Variants in GALNTL6 observed in about 807,000 individuals in gnomAD.
The protein encoded by GALNTL6 is polypeptide N-acetylgalactosaminyltransferase-like 6.
A neutral mutation model predicts 73.7 loss-of-function variants in GALNTL6; 46 were observed. That is an observed-to-expected ratio of 0.62 (90% CI 0.49 to 0.80). The LOEUF (loss-of-function observed/expected upper bound fraction) is 0.80, where lower values mean the gene tolerates loss of function less well. Among genes scored for constraint, GALNTL6 ranks in the 30% least tolerant of loss-of-function variants. The probability of loss-of-function intolerance (pLI) is 0.00; values close to 1 mark genes in which losing one functional copy is unlikely to be tolerated. For missense variants in GALNTL6, 604 were observed against 755.0 expected (o/e 0.80, Z 2.34); for synonymous variants, 259 against 263.7 (o/e 0.98, Z 0.17).
At chr4:172,291,472 A>G (rs182441170) in intron 3 of GALNTL6, among the ~76,000 whole-genome samples, 1 of 152,298 alleles carries the variant, frequency 6.6e-6, no homozygotes, top group African/African-American at 2.4e-5. Flanking sequence ...TTCACATTAT[A>G]ATTGTTAGTA....
chr4:172,917,764 G>A (rs927972026), intron 8 of GALNTL6, among the ~76,000 whole-genome samples: 12 of 152,220 alleles, frequency 7.9e-5, no homozygotes, highest in East Asian at 5.8e-4. Context: ...TGCTGGAGAG[G>A]TTGTGGAGAA....
intron 7 of GALNTL6, among the ~76,000 whole-genome samples, chr4:172,859,460 A>G (rs938159529): frequency 2.6e-5 from 4 of 152,180 alleles, no homozygotes; most frequent in Admixed American, 1.3e-4. Context: ...CTTTGTTAGA[A>G]GGTAAGAATA....
intron 2 of GALNTL6, among the ~76,000 whole-genome samples, chr4:171,951,686 T>C (rs1196983221): frequency 6.6e-6 from 1 of 152,040 alleles, no homozygotes; most frequent in East Asian, 1.9e-4. Flanking sequence ...TCAGAACACA[T>C]TCAATTTTTA....
At chr4:172,393,519 T>C (rs1338553784) in intron 5 of GALNTL6, among the ~76,000 whole-genome samples, 1 of 152,214 alleles carries the variant, frequency 6.6e-6, no homozygotes, top group Non-Finnish European at 1.5e-5. Context: ...AGGTGTTCAT[T>C]AATGACACAT....
intron 7 of GALNTL6, among the ~76,000 whole-genome samples, chr4:172,832,055 C>T (rs997972538): frequency 3.9e-5 from 6 of 152,086 alleles, no homozygotes; most frequent in East Asian, 1.9e-4. Context: ...TCCTCTGAGT[C>T]GGGAGCCATC....
At chr4:172,376,857 T>C (rs188718127) in intron 5 of GALNTL6, among the ~76,000 whole-genome samples, 1 of 152,234 alleles carries the variant, frequency 6.6e-6, no homozygotes, top group African/African-American at 2.4e-5. Context: ...TTAAAGATGG[T>C]GTGTCTGGAG....
At chr4:172,121,257 T>TTGTGTG (rs375731048) in intron 2 of GALNTL6, among the ~76,000 whole-genome samples, 26,821 of 142,210 alleles carry the variant, frequency 0.19, 2,851 homozygotes, top group East Asian at 0.39. Flanking sequence ...TCAAGAAGCA[T>TTGTGTG]TGTGTGTGTG....
chr4:172,535,935 A>G (rs958912180), intron 5 of GALNTL6, among the ~76,000 whole-genome samples: 1 of 152,048 alleles, frequency 6.6e-6, no homozygotes, highest in African/African-American at 2.4e-5. Flanking sequence ...TTCATCTTGA[A>G]CTCTAGTTCC....
intron 2 of GALNTL6, among the ~76,000 whole-genome samples, chr4:171,874,572 T>C (rs1180614827): frequency 6.6e-6 from 1 of 152,210 alleles, no homozygotes; most frequent in Non-Finnish European, 1.5e-5. Context: ...TATGTATTTA[T>C]TCCTGATCAT....
At chr4:173,038,505 G>A (rs896652607) in intron 12 of GALNTL6, among the ~76,000 whole-genome samples, 1 of 152,184 alleles carries the variant, frequency 6.6e-6, no homozygotes, top group Non-Finnish European at 1.5e-5. Flanking sequence ...AATTAATGAA[G>A]CAAGATGGAA....
chr4:171,955,623 T>C (rs1264185619), intron 2 of GALNTL6, among the ~76,000 whole-genome samples: 1 of 152,154 alleles, frequency 6.6e-6, no homozygotes, highest in Non-Finnish European at 1.5e-5. Flanking sequence ...TGTTATACTG[T>C]ATCGTTCAGA....
chr4:172,036,849 A>T (rs975464870), intron 2 of GALNTL6, among the ~76,000 whole-genome samples: 1 of 152,196 alleles, frequency 6.6e-6, no homozygotes, highest in Non-Finnish European at 1.5e-5. Flanking sequence ...CATTGAATTT[A>T]GCCTTGAAAT....
chr4:172,323,850 TA>T (rs1311063979), intron 4 of GALNTL6, among the ~76,000 whole-genome samples: 2 of 152,086 alleles, frequency 1.3e-5, no homozygotes. Flanking sequence ...TAAAGGTGTC[TA>T]AAACACCATT....
At chr4:172,847,803 A>G (rs1430008249) in intron 7 of GALNTL6, among the ~76,000 whole-genome samples, 3 of 152,160 alleles carry the variant, frequency 2.0e-5, no homozygotes. Context: ...ATCTATGTAA[A>G]TCAGTTTCCA....
chr4:172,947,305 G>A (rs374611473), intron 9 of GALNTL6, among the ~76,000 whole-genome samples: 1 of 152,144 alleles, frequency 6.6e-6, no homozygotes, highest in African/African-American at 2.4e-5. Context: ...GGGGCAAGAT[G>A]CCAGGAGGAG....
At chr4:172,640,757 A>T (rs1357801809) in intron 5 of GALNTL6, among the ~76,000 whole-genome samples, 2 of 152,112 alleles carry the variant, frequency 1.3e-5, no homozygotes, top group Admixed American at 1.3e-4. Context: ...CTGCCTCCAA[A>T]GGTAGTCATA....
intron 2 of GALNTL6, among the ~76,000 whole-genome samples, chr4:172,103,949 C>CT (rs369503993): frequency 0.41 from 57,945 of 141,364 alleles, 12,277 homozygotes; most frequent in African/African-American, 0.5. Context: ...TTCTTTTTCT[C>CT]TTTTTTTTTT....
rs375683738 is a variant in GALNTL6, at chr4:172,992,167, A to G, written c.1372-17011A>G. Among the ~76,000 whole-genome samples the G allele has an allele frequency of 1.8e-4, 27 of 152,250 alleles. 1 individual carries two copies. Among genetic ancestry groups the G allele is most frequent in the East Asian group, 1.3e-3 (7 of 5,206 alleles). On this transcript the variant is annotated intron_variant, in intron 10 of 12. Transcript: ENST00000506823. The stretch of plus-strand genomic sequence containing the variant: ...TTATGTACCAGGTGCAGAGCCTAGG[A>G]CACAGGACAGAACTGCAGATAATGT...
chr4:171,830,188 A>G (rs1342806282), intron 2 of GALNTL6, among the ~76,000 whole-genome samples: 1 of 152,118 alleles, frequency 6.6e-6, no homozygotes, highest in Non-Finnish European at 1.5e-5. Flanking sequence ...GGAAGAGGCA[A>G]GGAAGGATTC....
Sources: gnomAD v4.1 joint callset for allele counts (sites outside exome capture counted in the v4.1 genomes callset) on GRCh38, gnomAD v4.1.1 for gene constraint, MANE v1.5 for transcripts, NCBI Gene and HGNC (gene_info 2026-07-23, HGNC 2026-07-21) for gene names.